Variants in CSMD1 observed in about 807,000 individuals in gnomAD.
CSMD1 encodes CUB and sushi domain-containing protein 1.
CSMD1 carries 213 observed loss-of-function variants against 417.5 expected under a neutral mutation model. The observed-to-expected ratio is 0.51, with a 90% CI of 0.46 to 0.57. CSMD1 has a LOEUF of 0.57. Ranked by LOEUF, CSMD1 falls within the 20% of genes least tolerant of loss-of-function variation. The pLI is 0.00. For synonymous variants in CSMD1, 2,862 were observed against 1,736.8 expected (o/e 1.65, Z -16.11); for missense variants, 6,923 against 4,529.7 (o/e 1.53, Z -15.17).
At chr8:3,646,340 A>G (rs1797570991) in intron 7 of CSMD1, among the ~76,000 whole-genome samples, 1 of 152,182 alleles carries the variant, frequency 6.6e-6, no homozygotes, top group Admixed American at 6.5e-5. Flanking sequence ...TAAAACATTG[A>G]ATATTTTTAT....
chr8:4,681,266 T>C (rs967643879), intron 1 of CSMD1, among the ~76,000 whole-genome samples: 3 of 152,152 alleles, frequency 2.0e-5, no homozygotes, highest in African/African-American at 7.2e-5. Flanking sequence ...AAATCCAGTC[T>C]GCTTGGCTTT....
chr8:3,316,823 C>T (rs191639149), intron 23 of CSMD1, among the ~76,000 whole-genome samples: 6 of 152,104 alleles, frequency 3.9e-5, no homozygotes, highest in African/African-American at 1.4e-4. Flanking sequence ...GAAGACTGCA[C>T]AGGAAACTGA....
intron 5 of CSMD1, among the ~76,000 whole-genome samples, chr8:3,865,195 A>G (rs1426722238): frequency 6.6e-6 from 1 of 152,186 alleles, no homozygotes; most frequent in African/African-American, 2.4e-5. Context: ...GATATTTAAC[A>G]TCTTGGAAAA....
chr8:3,300,536 A>G lies in CSMD1; in HGVS notation c.3950+7159T>C, dbSNP rs116026806. Among the ~76,000 whole-genome samples, 282 of 152,328 alleles carry G rather than the reference A, an allele frequency of 1.9e-3. 2 individuals are homozygous for G. The highest frequency in any genetic ancestry group is 6.2e-3 in the African/African-American group (259 of 41,576). On this transcript the variant is annotated intron_variant, in intron 25 of 69. Coordinates refer to ENST00000635120, the MANE Select transcript of CSMD1 (RefSeq NM_033225.6). ...TTTATAGAAAGACTTGTACTAAGACATATGAGGATGCTCACACCCTTTGAC... is the reference window on the plus strand; with the variant it reads ...TTTATAGAAAGACTTGTACTAAGACGTATGAGGATGCTCACACCCTTTGAC...
At chr8:4,343,684 T>G (rs1392340561) in intron 3 of CSMD1, among the ~76,000 whole-genome samples, 2 of 152,088 alleles carry the variant, frequency 1.3e-5, no homozygotes, top group Non-Finnish European at 2.9e-5. Flanking sequence ...TGATCTGACC[T>G]TTGCAGCTTT....
intron 5 of CSMD1, among the ~76,000 whole-genome samples, chr8:3,899,334 G>C (rs1247793702): frequency 2.0e-5 from 3 of 152,206 alleles, no homozygotes; most frequent in Non-Finnish European, 2.9e-5. Flanking sequence ...TTCAGAGCAG[G>C]TGTGAGTTTG....
intron 10 of CSMD1, among the ~76,000 whole-genome samples, chr8:3,522,987 C>A (rs1026795079): frequency 1.4e-5 from 2 of 145,942 alleles, no homozygotes; most frequent in African/African-American, 2.6e-5. Context: ...TATATACATA[C>A]AAAATGGAGA....
chr8:3,938,193 T>A lies in CSMD1; in HGVS notation c.818+59710A>T, dbSNP rs188267811. Among the ~76,000 whole-genome samples, 7 of 152,260 alleles carry A rather than the reference T, an allele frequency of 4.6e-5. 1 individual carries two copies. In the South Asian group the frequency reaches 8.3e-4, roughly 18 times the overall value. On this transcript the variant is annotated intron_variant, in intron 5 of 69. Transcript: ENST00000635120. ...AAAAGTTGGGCATTGACATTGCCTGTCATTTTTGGGTAACATCCAGTCACT... is the reference window on the plus strand; with the variant it reads ...AAAAGTTGGGCATTGACATTGCCTGACATTTTTGGGTAACATCCAGTCACT...
chr8:3,416,205 G>C (rs761288662), intron 12 of CSMD1, among the ~76,000 whole-genome samples: 8 of 150,488 alleles, frequency 5.3e-5, no homozygotes, highest in Non-Finnish European at 1.2e-4. Context: ...GGGAGGCTGA[G>C]GCAGGAGAAT....
At chr8:3,388,238 G>A (rs569601306) in intron 17 of CSMD1, among the ~76,000 whole-genome samples, 1 of 152,126 alleles carries the variant, frequency 6.6e-6, no homozygotes, top group Non-Finnish European at 1.5e-5. Flanking sequence ...TTTAGTTTAA[G>A]TCAGCCACTT....
At chr8:4,770,692 C>A (rs1796555872) in intron 1 of CSMD1, among the ~76,000 whole-genome samples, 1 of 149,838 alleles carries the variant, frequency 6.7e-6, no homozygotes, top group African/African-American at 2.4e-5. Flanking sequence ...AACAAGAGTA[C>A]AAAAAGGATA....
intron 51 of CSMD1, among the ~76,000 whole-genome samples, 172 bp downstream of exon 51, chr8:3,029,147 T>A (rs192336147): frequency 3.0e-3 from 462 of 152,098 alleles, no homozygotes; most frequent in African/African-American, 0.011. Context: ...GGTTTAAGTA[T>A]GTCACATGAC....
intron 2 of CSMD1, among the ~76,000 whole-genome samples, chr8:4,566,152 T>C (rs1456803560): frequency 6.6e-6 from 1 of 152,144 alleles, no homozygotes. Context: ...AGAATGCATC[T>C]TGCTATCAGC....
intron 1 of CSMD1, among the ~76,000 whole-genome samples, chr8:4,864,874 C>CACACA (rs1563622847): frequency 6.3e-5 from 2 of 31,856 alleles, no homozygotes; most frequent in African/African-American, 1.4e-4. Context: ...TTGGATTCTA[C>CACACA]TACACACACA....
intron 3 of CSMD1, among the ~76,000 whole-genome samples, chr8:4,212,031 C>T (rs1048550946): frequency 1.3e-5 from 2 of 151,912 alleles, no homozygotes; most frequent in South Asian, 4.2e-4. Context: ...AGCTGTAATG[C>T]AATAAAAGGA....
At chr8:3,308,211 T>G in intron 24 of CSMD1, 101 bp downstream of exon 24, 2 of 895,596 alleles carry the variant, frequency 2.2e-6, no homozygotes, top group African/African-American at 1.7e-5. Flanking sequence ...GAAAGTGTGA[T>G]AAAATTCCTC....
intron 51 of CSMD1, among the ~76,000 whole-genome samples, chr8:3,018,991 C>T (rs1198311893): frequency 8.5e-5 from 13 of 152,184 alleles, no homozygotes; most frequent in Admixed American, 7.8e-4. Context: ...TATCCTGGCT[C>T]ACTGCTACCT....
chr8:2,972,144 T>A (rs1245799594), intron 57 of CSMD1, among the ~76,000 whole-genome samples: 1 of 152,074 alleles, frequency 6.6e-6, no homozygotes, highest in African/African-American at 2.4e-5. Context: ...TTATATAATA[T>A]AGATAGATCA....
At chr8:3,077,811 G>C (rs757764335) in intron 49 of CSMD1, among the ~76,000 whole-genome samples, 1 of 152,212 alleles carries the variant, frequency 6.6e-6, no homozygotes, top group Non-Finnish European at 1.5e-5. Context: ...TTCAATGAAA[G>C]ACCATAACCT....
Sources: gnomAD v4.1 joint callset for allele counts (sites outside exome capture counted in the v4.1 genomes callset) on GRCh38, gnomAD v4.1.1 for gene constraint, MANE v1.5 for transcripts, NCBI Gene and HGNC (gene_info 2026-07-23, HGNC 2026-07-21) for gene names.